Variants in JMY observed in about 807,000 individuals in gnomAD.
JMY encodes junction mediating and regulatory protein, p53 cofactor, also known as junction-mediating and -regulatory protein.
A neutral mutation model predicts 103.3 loss-of-function variants in JMY; 46 were observed. The ratio of observed to expected loss-of-function variants is 0.45; its 90% CI spans 0.35 to 0.57. JMY has a LOEUF of 0.57. Ranked by LOEUF, JMY falls within the 20% of genes least tolerant of loss-of-function variation. JMY has a pLI of 0.00. For missense variants in JMY, 1,238 were observed against 1,255.2 expected, an observed-to-expected ratio of 0.99 and a Z score of 0.21; for synonymous variants, 526 against 489.3, an observed-to-expected ratio of 1.07 and a Z score of -0.99.
At chr5:79,277,002 G>T (rs575893903) in intron 1 of JMY, among the ~76,000 whole-genome samples, 1 of 152,196 alleles carries the variant, frequency 6.6e-6, no homozygotes, top group Admixed American at 6.5e-5. Flanking sequence ...CTTCCAAAGT[G>T]TTGGGATTAC....
chr5:79,246,130 C>CT (rs1744893299), intron 1 of JMY, among the ~76,000 whole-genome samples: 3 of 152,236 alleles, frequency 2.0e-5, no homozygotes, highest in South Asian at 4.2e-4. Context: ...ATTTTCTGTT[C>CT]TTTTTTCACT....
At chr5:79,301,533 A>T (rs1171144474) in intron 6 of JMY, among the ~76,000 whole-genome samples, 1 of 152,188 alleles carries the variant, frequency 6.6e-6, no homozygotes. Flanking sequence ...TTCCACAGAA[A>T]ATCAATACCT....
At chr5:79,259,280 G>A (rs1745346497) in intron 1 of JMY, among the ~76,000 whole-genome samples, 2 of 152,190 alleles carry the variant, frequency 1.3e-5, no homozygotes, top group Admixed American at 1.3e-4. Flanking sequence ...CCTGGGGTGG[G>A]CAGCTTCTCT....
intron 4 of JMY, among the ~76,000 whole-genome samples, chr5:79,295,751 G>C (rs1406328695): frequency 6.6e-6 from 1 of 152,074 alleles, no homozygotes; most frequent in East Asian, 1.9e-4. Context: ...GCTGAGGTGG[G>C]GTTTTTGAGG....
chr5:79,293,624 A>T (rs181427991), intron 4 of JMY, among the ~76,000 whole-genome samples: 1 of 152,108 alleles, frequency 6.6e-6, no homozygotes, highest in African/African-American at 2.4e-5. Flanking sequence ...GAATATGACA[A>T]CCCTGTACTC....
chr5:79,270,555 T>G (rs1745738531), intron 1 of JMY, among the ~76,000 whole-genome samples: 1 of 134,552 alleles, frequency 7.4e-6, no homozygotes, highest in Non-Finnish European at 1.6e-5. Flanking sequence ...AATGTATATT[T>G]ACATAAATAT....
chr5:79,241,508 CATAA>C (rs1744740421), intron 1 of JMY, among the ~76,000 whole-genome samples: 1 of 152,090 alleles, frequency 6.6e-6, no homozygotes, highest in Admixed American at 6.5e-5. Context: ...TTTCTTAAAA[CATAA>C]ATAAATTCCT....
Position 79,277,933 on chromosome 5 carries a change from A to C in JMY, c.1056A>C (p.Thr352=). Residue 352 remains threonine, a synonymous_variant, in exon 2 of 11, where the codon ACA becomes ACC. Coordinates refer to ENST00000396137, the MANE Select transcript of JMY (RefSeq NM_152405.5). ...AGCTCTTGGATAAGCACAAGAATAC[A>C]GAGAGCATGGTGGAGCTTCTGGACT... is the stretch of plus-strand genomic sequence containing the variant. ...IQELLDKHKN[T]ESMVELLDLY... 1 of 1,613,674 alleles carries C rather than the reference A, an allele frequency of 6.2e-7. No individual in the cohort carries two copies. The highest frequency in any genetic ancestry group is 8.5e-7 in the Non-Finnish European group (1 of 1,179,768).
intron 2 of JMY, among the ~76,000 whole-genome samples, chr5:79,288,332 G>T: frequency 6.6e-6 from 1 of 152,056 alleles, no homozygotes; most frequent in South Asian, 2.1e-4. Flanking sequence ...CTCACCTCTC[G>T]CATGCCTTTT....
Position 79,314,765 on chromosome 5 carries a change from C to T in JMY, c.2573C>T (p.Pro858Leu), listed in dbSNP as rs376825678. ...AGGATCCCAAAGTCAGCCAGTGCCC[C>T]CTCAGCACACCTCTTTGACAGCAGC... ...EKRIPKSASA[P>L]SAHLFDSSQL... The change falls in exon 9 of 11, where the codon CCC (proline) becomes CTC (leucine). Residue 858 changes from proline (P) to leucine (L), a missense_variant. Coordinates refer to ENST00000396137, the MANE Select transcript of JMY (RefSeq NM_152405.5). The T allele has an allele frequency of 3.8e-5, 61 of 1,613,306 alleles. No individual in the cohort carries two copies. The highest frequency in any genetic ancestry group is 5.0e-5 in the Non-Finnish European group (59 of 1,179,826).
At chr5:79,298,856 G>C (rs552763564) in intron 4 of JMY, among the ~76,000 whole-genome samples, 2 of 152,178 alleles carry the variant, frequency 1.3e-5, no homozygotes, top group African/African-American at 4.8e-5. Flanking sequence ...TAGATATATA[G>C]ACTGTAAAGC....
At chr5:79,302,025 G>A (rs1245079521) in intron 6 of JMY, among the ~76,000 whole-genome samples, 2 of 148,486 alleles carry the variant, frequency 1.3e-5, no homozygotes, top group East Asian at 4.0e-4. Flanking sequence ...GGAGGTTGCA[G>A]TGAGCCAAGA....
At chr5:79,237,788 T>A in intron 1 of JMY, 106 bp downstream of exon 1, 1 of 1,007,268 alleles carries the variant, frequency 9.9e-7, no homozygotes, top group Non-Finnish European at 1.4e-6. Flanking sequence ...GGACGGTTGT[T>A]TTTCTGGACA....
chr5:79,266,597 C>A (rs1303264019), intron 1 of JMY, among the ~76,000 whole-genome samples: 1 of 152,192 alleles, frequency 6.6e-6, no homozygotes, highest in African/African-American at 2.4e-5. Context: ...GGGTACATTA[C>A]AGTTCTTCCA....
intron 2 of JMY, among the ~76,000 whole-genome samples, chr5:79,288,354 C>G (rs967255906): frequency 6.6e-6 from 1 of 152,096 alleles, no homozygotes; most frequent in African/African-American, 2.4e-5. Flanking sequence ...AGTGGTTTTT[C>G]TCTCTTTATG....
chr5:79,281,493 T>A (rs1168630480), intron 2 of JMY, among the ~76,000 whole-genome samples: 1 of 150,728 alleles, frequency 6.6e-6, no homozygotes, highest in Admixed American at 6.7e-5. Flanking sequence ...TCAGCTCCAA[T>A]ATAATTTTAT....
intron 7 of JMY, among the ~76,000 whole-genome samples, chr5:79,310,870 G>A (rs915908334): frequency 1.3e-5 from 2 of 152,052 alleles, no homozygotes; most frequent in Admixed American, 1.3e-4. Flanking sequence ...AACATACATG[G>A]TGGCTCCTGT....
intron 6 of JMY, among the ~76,000 whole-genome samples, chr5:79,302,934 A>G (rs1383055102): frequency 2.0e-5 from 3 of 152,174 alleles, no homozygotes; most frequent in Non-Finnish European, 2.9e-5. Flanking sequence ...CTTTGCAGAA[A>G]AAGTTAGTAG....
At chr5:79,313,610 C>G (rs1458388831) in intron 8 of JMY, among the ~76,000 whole-genome samples, 1 of 152,132 alleles carries the variant, frequency 6.6e-6, no homozygotes, top group Non-Finnish European at 1.5e-5. Flanking sequence ...CATTTGAAAA[C>G]ATAGGAAACT....
Sources: allele counts gnomAD v4.1 joint callset (sites outside exome capture counted in the v4.1 genomes callset), GRCh38; gene constraint gnomAD v4.1.1; transcripts MANE v1.5; gene names NCBI Gene and HGNC (gene_info 2026-07-23, HGNC 2026-07-21).